The following KLB variants were observed in gnomAD, a reference collection of about 807,000 sequenced individuals.
KLB encodes beta-klotho.
A neutral mutation model predicts 88.4 loss-of-function variants in KLB; 44 were observed. The ratio of observed to expected loss-of-function variants is 0.50; its 90% CI spans 0.39 to 0.64. KLB has a LOEUF of 0.64. Among genes scored for constraint, KLB ranks in the 30% least tolerant of loss-of-function variants. The pLI is 0.00. For missense variants in KLB, 1,137 were observed against 1,304.8 expected, an observed-to-expected ratio of 0.87 and a Z score of 1.98; for synonymous variants, 548 against 513.4, an observed-to-expected ratio of 1.07 and a Z score of -0.91.
In KLB at chr4:39,447,033, C is replaced by A. The variant is rs528567925; in HGVS notation, c.2307C>A (p.Ile769=). 2.2e-5 allele frequency: 35 copies of A among 1,611,746 alleles called. 1 individual carries two copies. In the South Asian group the frequency reaches 3.8e-4, roughly 18 times the overall value. The change falls in exon 4 of 5, where the codon ATC becomes ATA. Residue 769 remains isoleucine (I), a synonymous_variant. Coordinates refer to ENST00000257408, the MANE Select transcript of KLB (RefSeq NM_175737.4). ...CCGAGCGCTTCCTGCAGTTCGAGAT[C>A]GCCTGGTTCGCCGAGCCGCTCTTCA... ...RAAERFLQFE[I]AWFAEPLFKT...
intron 1 of KLB, among the ~76,000 whole-genome samples, chr4:39,418,269 G>A (rs1245669611): frequency 2.6e-5 from 4 of 151,912 alleles, no homozygotes; most frequent in Middle Eastern, 6.8e-3. Context: ...GAAGAGTCTC[G>A]CTCTGTCACC....
At chr4:39,428,724 A>C (rs1325566770) in intron 1 of KLB, among the ~76,000 whole-genome samples, 3 of 152,294 alleles carry the variant, frequency 2.0e-5, no homozygotes, top group Middle Eastern at 3.4e-3. Context: ...TAATTATTTC[A>C]AGATGGAGTT....
At chr4:39,438,638 G>A (rs752000493) in intron 3 of KLB, among the ~76,000 whole-genome samples, 1 of 152,188 alleles carries the variant, frequency 6.6e-6, no homozygotes, top group African/African-American at 2.4e-5. Flanking sequence ...TCCCCTACTA[G>A]AATGCAAGCT....
At chr4:39,410,635 A>C (rs1461095415) in intron 1 of KLB, among the ~76,000 whole-genome samples, 1 of 152,134 alleles carries the variant, frequency 6.6e-6, no homozygotes, top group Non-Finnish European at 1.5e-5. Flanking sequence ...TTAATTTGAT[A>C]TTTTACGTTG....
Position 39,424,670 on chromosome 4 carries a change from T to C in KLB, c.826-9540T>C, listed in dbSNP as rs567170611. ...TTTTTGAGATGGAGCTTCGCACTGT[T>C]GCCCAGGCTGGAGTGCAGTGGCGCT... On this transcript the variant is annotated intron_variant, in intron 1 of 4. Transcript: ENST00000257408. Among the ~76,000 whole-genome samples the C allele has an allele frequency of 8.6e-4, 128 of 149,232 alleles. 1 individual carries two copies. The highest frequency in any genetic ancestry group is 2.7e-3 in the African/African-American group (103 of 38,830).
At chr4:39,421,804 T>C (rs190872445) in intron 1 of KLB, among the ~76,000 whole-genome samples, 1 of 150,436 alleles carries the variant, frequency 6.6e-6, no homozygotes, top group African/African-American at 2.4e-5. Context: ...TGGAGCTCAG[T>C]GGTGCGATCA....
chr4:39,444,098 A>G (rs1743681024), intron 3 of KLB, among the ~76,000 whole-genome samples: 1 of 152,184 alleles, frequency 6.6e-6, no homozygotes, highest in Admixed American at 6.5e-5. Context: ...CGGAGGTTTC[A>G]GTGAGCCAAG....
In KLB at chr4:39,447,113, G is replaced by A. The variant is rs1402112187; in HGVS notation, c.2387G>A (p.Arg796Gln). 6.8e-6 allele frequency: 11 copies of A among 1,613,422 alleles called. 1 individual carries two copies. Among genetic ancestry groups the A allele is most frequent in the South Asian group, 6.6e-5 (6 of 91,074 alleles). The change falls in exon 4 of 5, where the codon CGG (arginine) becomes CAG (glutamine). Residue 796 changes from arginine to glutamine, a missense_variant. By Grantham distance (43) the Arg-to-Gln change is conservative. Transcript: ENST00000257408. ...GAATACATTGCCTCCAAGCACCGAC[G>A]GGGGCTTTCCAGCTCGGCCCTGCCG... is the stretch of plus-strand genomic sequence containing the variant. The part of the protein sequence containing the change: ...MREYIASKHR[R>Q]GLSSSALPRL...
intron 1 of KLB, among the ~76,000 whole-genome samples, chr4:39,427,581 A>C (rs1205750333): frequency 1.3e-5 from 2 of 152,192 alleles, no homozygotes; most frequent in Non-Finnish European, 2.9e-5. Context: ...AAGGACAACG[A>C]GTAAAACTCA....
intron 3 of KLB, among the ~76,000 whole-genome samples, chr4:39,439,047 GACTGGAGTGCAGTGGCACAATCACAGCTC>G (rs1459835581): frequency 2.0e-5 from 3 of 147,600 alleles, no homozygotes; most frequent in African/African-American, 7.6e-5. Context: ...CTGTCACCCA[GACTGGAGTGCAGTGGCACAATCACAGCTC>G]ACTGTAGCCT....
chr4:39,447,907 G>C (rs914340730), intron 4 of KLB, among the ~76,000 whole-genome samples: 2 of 148,760 alleles, frequency 1.3e-5, no homozygotes, highest in Non-Finnish European at 1.5e-5. Flanking sequence ...CAGTGAGTGA[G>C]TGGGTAAAAC....
intron 1 of KLB, among the ~76,000 whole-genome samples, chr4:39,423,307 C>T (rs951453369): frequency 5.3e-5 from 8 of 151,876 alleles, no homozygotes; most frequent in Non-Finnish European, 7.3e-5. Context: ...AATTTGCTGA[C>T]AGGTCCTCCA....
chr4:39,422,846 C>T (rs539380781), intron 1 of KLB, among the ~76,000 whole-genome samples: 5 of 152,044 alleles, frequency 3.3e-5, no homozygotes, highest in African/African-American at 9.7e-5. Flanking sequence ...ACTGCAGCCT[C>T]CACCTCCTGG....
intron 1 of KLB, among the ~76,000 whole-genome samples, chr4:39,424,799 T>G (rs1743167276): frequency 1.3e-5 from 2 of 151,990 alleles, no homozygotes. Flanking sequence ...TGGCTAATTT[T>G]TGTATTTTTA....
chr4:39,415,990 A>C (rs577771760), intron 1 of KLB, among the ~76,000 whole-genome samples: 67 of 152,236 alleles, frequency 4.4e-4, no homozygotes, highest in African/African-American at 1.3e-3. Flanking sequence ...AAGCTCACAC[A>C]TGCTGGACAC....
chr4:39,447,983 G>A (rs1020432294), intron 4 of KLB, among the ~76,000 whole-genome samples: 2 of 152,146 alleles, frequency 1.3e-5, no homozygotes, highest in African/African-American at 4.8e-5. Context: ...AATAGGCAAC[G>A]TTTTTCTGCT....
intron 2 of KLB, among the ~76,000 whole-genome samples, chr4:39,436,312 T>A (rs534204334): frequency 6.6e-6 from 1 of 152,086 alleles, no homozygotes; most frequent in Non-Finnish European, 1.5e-5. Context: ...CGCCCCAAGT[T>A]GCAGGAAGGA....
intron 1 of KLB, among the ~76,000 whole-genome samples, chr4:39,431,183 G>A (rs772420259): frequency 1.5e-4 from 22 of 150,364 alleles, no homozygotes; most frequent in Non-Finnish European, 2.5e-4. Flanking sequence ...TCCCACCTTG[G>A]CCTCCCAAAG....
chr4:39,448,314 TAA>T lies in KLB; in HGVS notation c.2765_2766del (p.Lys922SerfsTer13). On this transcript the variant is annotated frameshift_variant, in exon 5 of 5. Coordinates refer to ENST00000257408, the MANE Select transcript of KLB (RefSeq NM_175737.4). LOFTEE classifies it low-confidence loss of function (END_TRUNC). ...TATCTTTTTCAGCATACCTGATTGA[TAA>T]AGTCAGAATCAAAGGCTATTATGCA... ...QEVLKAYLID[K>X]VRIKGYYAFK... 9 of 1,591,654 alleles carry T rather than the reference TAA, an allele frequency of 5.7e-6. No homozygotes were observed. Among genetic ancestry groups the T allele is most frequent in the Non-Finnish European group, 7.7e-6 (9 of 1,167,038 alleles).
Sources: allele counts gnomAD v4.1 joint callset (sites outside exome capture counted in the v4.1 genomes callset), GRCh38; gene constraint gnomAD v4.1.1; transcripts MANE v1.5; gene names NCBI Gene and HGNC (gene_info 2026-07-23, HGNC 2026-07-21).